The following IQSEC2 variants were observed in gnomAD, a reference collection of about 807,000 sequenced individuals.
The protein encoded by IQSEC2 is IQ motif and SEC7 domain-containing protein 2.
Under a neutral mutation model 74.6 loss-of-function variants are expected in IQSEC2, and 6 were observed. The ratio of observed to expected loss-of-function variants is 0.08; its 90% CI spans 0.04 to 0.16. The LOEUF is 0.16. Among genes scored for constraint, IQSEC2 ranks in the 10% least tolerant of loss-of-function variants. IQSEC2 has a pLI of 1.00. For missense variants in IQSEC2, 734 were observed against 1,306.2 expected (o/e 0.56, Z 6.75); for synonymous variants, 494 against 544.5 (o/e 0.91, Z 1.29).
Position 53,236,359 on chromosome X carries a change from G to T in IQSEC2, c.3414C>A (p.Gly1138=). The T allele has an allele frequency of 1.7e-6, 2 of 1,209,357 alleles. No individual in the cohort carries two copies. Among genetic ancestry groups the T allele is most frequent in the Non-Finnish European group, 2.2e-6 (2 of 894,246 alleles). Residue 1138 remains glycine (G), a synonymous_variant, in exon 13 of 15, where the codon GGC becomes GGA. Transcript: ENST00000642864. ...GGTCTCGCAGGGAACTGCTGAGTGC[G>T]CCCCGTTTGAGCCCATCGCCTGCCC... ...TYGAGDGLKR[G]ALSSSLRDLS...
At chrX:53,258,425 A>G (rs781894729) in intron 2 of IQSEC2, among the ~76,000 whole-genome samples, 2 of 111,946 alleles carry the variant, frequency 1.8e-5, no homozygotes, top group Admixed American at 1.9e-4. Flanking sequence ...GCTCAATAAA[A>G]GCTGCCGTCC....
intron 4 of IQSEC2, 76 bp downstream of exon 4, chrX:53,254,454 G>T (rs2147119879): frequency 9.9e-7 from 1 of 1,010,674 alleles, no homozygotes; most frequent in Non-Finnish European, 1.3e-6. Context: ...CTTTCAGTTT[G>T]CAATCTAGGT....
chrX:53,300,928 A>C (rs972176570), intron 1 of IQSEC2, among the ~76,000 whole-genome samples: 2 of 111,984 alleles, frequency 1.8e-5, no homozygotes, highest in African/African-American at 6.5e-5. Flanking sequence ...AATCAAGAAC[A>C]AAAATTGTAT....
intron 1 of IQSEC2, among the ~76,000 whole-genome samples, chrX:53,292,241 C>T (rs797043913): frequency 9.0e-6 from 1 of 111,628 alleles, no homozygotes; most frequent in Admixed American, 9.5e-5. Context: ...CAGTGAGGAG[C>T]GTGGCTTTCG....
chrX:53,235,874 C>T (rs938196033), intron 13 of IQSEC2, 42 bp from the exon 14 acceptor site: 4 of 1,129,794 alleles, frequency 3.5e-6, no homozygotes, highest in Non-Finnish European at 4.7e-6. Flanking sequence ...AGCAGCAACC[C>T]CCCCCCTACC....
chrX:53,259,276 G>C (rs1402002554), intron 2 of IQSEC2, among the ~76,000 whole-genome samples: 1 of 108,804 alleles, frequency 9.2e-6, no homozygotes, highest in Non-Finnish European at 1.9e-5. Flanking sequence ...AGGCTGACAT[G>C]GAAGGATCAC....
chrX:53,240,455 A>C (rs2074200534), intron 10 of IQSEC2, among the ~76,000 whole-genome samples: 1 of 112,710 alleles, frequency 8.9e-6, no homozygotes, highest in Non-Finnish European at 1.9e-5. Flanking sequence ...GAACAGGATC[A>C]AGAGAGTCCT....
rs1602255703 is a variant in IQSEC2 at position 53,233,802 on chromosome X, A to T, written c.*417T>A. The T allele has an allele frequency of 3.4e-6, 1 of 297,392 alleles. No individual in the cohort carries two copies. Among genetic ancestry groups the T allele is most frequent in the East Asian group, 4.8e-5 (1 of 21,011 alleles). The allele number at this position is 297,392 out of a possible 1,213,427, so 24.5% of individuals were successfully genotyped here. A position where few individuals can be genotyped will look rare whatever the true frequency, so the allele number is the denominator to read the frequency against. Reference sequence around the variant, plus strand: ...AGCCCCACACGGCCAGAGGAGCCCCAGGGAAGCCTTCACCCCGACAGCTCC... The same window carrying T: ...AGCCCCACACGGCCAGAGGAGCCCCTGGGAAGCCTTCACCCCGACAGCTCC... On this transcript the variant is annotated 3_prime_UTR_variant, in exon 15 of 15. Coordinates refer to ENST00000642864, the MANE Select transcript of IQSEC2 (RefSeq NM_001111125.3).
intron 2 of IQSEC2, among the ~76,000 whole-genome samples, chrX:53,279,931 G>GAGGAAGGAAGGAAGGA (rs3842484): frequency 6.1e-5 from 2 of 32,948 alleles, no homozygotes; most frequent in African/African-American, 2.5e-4. Context: ...GGGAGGGAGG[G>GAGGAAGGAAGGAAGGA]AGGAAGGAAG....
At chrX:53,252,707 C>T (rs1324621168) in intron 4 of IQSEC2, among the ~76,000 whole-genome samples, 1 of 112,276 alleles carries the variant, frequency 8.9e-6, no homozygotes, top group Non-Finnish European at 1.9e-5. Context: ...TCAGCCATGC[C>T]ATTCCCAGCT....
intron 2 of IQSEC2, chrX:53,279,585 G>A: frequency 8.4e-7 from 1 of 1,197,517 alleles, no homozygotes; most frequent in Non-Finnish European, 1.1e-6. Context: ...CAGCCTGCCT[G>A]AGGGGGTAAG....
chrX:53,256,229 G>T (rs1401508289), intron 2 of IQSEC2, among the ~76,000 whole-genome samples, 168 bp from the exon 3 acceptor site: 2 of 110,890 alleles, frequency 1.8e-5, no homozygotes, highest in Non-Finnish European at 3.8e-5. Context: ...CTAGCTCTTG[G>T]ACGTCTCCCC....
intron 1 of IQSEC2, among the ~76,000 whole-genome samples, chrX:53,316,510 TG>T (rs1556879115): frequency 1.8e-5 from 2 of 110,530 alleles, no homozygotes; most frequent in Non-Finnish European, 3.8e-5. Flanking sequence ...CGACAGCATG[TG>T]GTAGACCATA....
At chrX:53,279,498 G>A (rs2074905696) in intron 2 of IQSEC2, 2 of 674,949 alleles carry the variant, frequency 3.0e-6, no homozygotes, top group East Asian at 6.5e-5. Flanking sequence ...GGGAGGGGCT[G>A]GCAATGACAC....
In IQSEC2 at chrX:53,250,918, G is replaced by T. The variant is rs782165719; in HGVS notation, c.1658C>A (p.Pro553Gln). 3.5e-5 allele frequency: 42 copies of T among 1,209,091 alleles called. No individual in the cohort carries two copies. In the South Asian group the frequency reaches 7.0e-4, roughly 20 times the overall value. Residue 553 changes from proline to glutamine, a missense_variant, in exon 5 of 15, where the codon CCA (proline) becomes CAA (glutamine). By Grantham distance (76) the Pro-to-Gln change is moderately conservative (BLOSUM62 -1). Around this residue, in one of 12 missense-constraint regions of IQSEC2, gnomAD observed 204 missense variants for 305.4 expected, o/e 0.67. Coordinates refer to ENST00000642864, the MANE Select transcript of IQSEC2 (RefSeq NM_001111125.3). ...TCCTGATGGCACTGGTGGAGGAACT[G>T]GCGGGAGAGGGGCTGGCGCCCAGAA... ...PEFWAPAPLP[P>Q]VPPPVPSGTR...
chrX:53,257,251 TG>T (rs782110177), intron 2 of IQSEC2, among the ~76,000 whole-genome samples: 44 of 111,445 alleles, frequency 3.9e-4, no homozygotes, highest in African/African-American at 1.3e-3. Flanking sequence ...GGGTAGGTAC[TG>T]GGGGGGACCC....
downstream of IQSEC2, chrX:53,231,458 CA>C (rs1356244482): frequency 9.0e-6 from 1 of 110,930 alleles, no homozygotes; most frequent in African/African-American, 3.3e-5. Flanking sequence ...GAACACCTCC[CA>C]TGTCAAGATA....
chrX:53,288,526 C>A (rs2075057627), intron 2 of IQSEC2, among the ~76,000 whole-genome samples: 1 of 110,951 alleles, frequency 9.0e-6, no homozygotes, highest in African/African-American at 3.3e-5. Flanking sequence ...GCCTGGGCCC[C>A]CTCATCTTCT....
intron 2 of IQSEC2, among the ~76,000 whole-genome samples, chrX:53,256,591 C>G (rs1166561723): frequency 9.0e-6 from 1 of 111,207 alleles, no homozygotes; most frequent in South Asian, 3.8e-4. Context: ...GTGAGGCCCA[C>G]CCCTGCACAC....
Sources: allele counts gnomAD v4.1 joint callset (sites outside exome capture counted in the v4.1 genomes callset), GRCh38; gene constraint gnomAD v4.1.1; regional missense constraint gnomAD v4.1.1; transcripts MANE v1.5; gene names NCBI Gene and HGNC (gene_info 2026-07-23, HGNC 2026-07-21).